DPP10: variants seen among roughly 807,000 people sequenced by gnomAD.
DPP10 encodes the protein inactive dipeptidyl peptidase 10.
A neutral mutation model predicts 120.9 loss-of-function variants in DPP10; 33 were observed. The observed-to-expected ratio is 0.27, with a 90% CI of 0.21 to 0.37. The LOEUF (loss-of-function observed/expected upper bound fraction) is 0.37. Among genes scored for constraint, DPP10 ranks in the 10% least tolerant of loss-of-function variants. The pLI, the probability that DPP10 is intolerant of heterozygous loss-of-function variation, is 1.00. For synonymous variants in DPP10, 337 were observed against 326.1 expected (o/e 1.03, Z -0.36); for missense variants, 816 against 942.8 (o/e 0.87, Z 1.76).
chr2:115,504,339 A>C (rs1401426558), intron 4 of DPP10, among the ~76,000 whole-genome samples: 1 of 145,606 alleles, frequency 6.9e-6, no homozygotes, highest in African/African-American at 2.6e-5. Context: ...ATAAAAACTG[A>C]TGGCTACTGG....
rs115960023 is a variant in DPP10, at chr2:114,825,848, A to T, written c.60+383010A>T. 9.1e-3 allele frequency among the ~76,000 whole-genome samples: 1,391 copies of T among 152,296 alleles called. 16 individuals carry two copies. Among genetic ancestry groups the T allele is most frequent in the African/African-American group, 0.032 (1,330 of 41,548 alleles). On this transcript the variant is annotated intron_variant, in intron 1 of 25. Coordinates refer to ENST00000410059, the MANE Select transcript of DPP10 (RefSeq NM_020868.6). ...TAACAGAGGGCATAATAAAGTAAAA[A>T]CTGTAAGGTTGTGATCAGCTTCTAC...
At chr2:114,621,401 C>A (rs148331353) in intron 1 of DPP10, among the ~76,000 whole-genome samples, 17 of 152,130 alleles carry the variant, frequency 1.1e-4, no homozygotes, top group Non-Finnish European at 1.9e-4. Context: ...TTATTTAATT[C>A]TTTTATCCAC....
intron 7 of DPP10, among the ~76,000 whole-genome samples, chr2:115,699,150 A>G (rs753400881): frequency 2.0e-5 from 3 of 152,052 alleles, no homozygotes; most frequent in Non-Finnish European, 2.9e-5. Context: ...GAACAATTGT[A>G]TACCAATAAA....
chr2:115,332,458 G>T (rs184053493), intron 2 of DPP10, among the ~76,000 whole-genome samples: 19 of 151,784 alleles, frequency 1.3e-4, no homozygotes, highest in South Asian at 2.1e-4. Context: ...ATTTCTTGCC[G>T]TCTGCTAGCT....
At chr2:114,695,142 A>T (rs1168384348) in intron 1 of DPP10, among the ~76,000 whole-genome samples, 2 of 152,032 alleles carry the variant, frequency 1.3e-5, no homozygotes, top group Non-Finnish European at 2.9e-5. Context: ...AGAGTGAATT[A>T]AAGTGGATAG....
intron 19 of DPP10, among the ~76,000 whole-genome samples, chr2:115,804,873 G>C (rs770512248): frequency 1.3e-5 from 2 of 152,194 alleles, no homozygotes; most frequent in African/African-American, 2.4e-5. Flanking sequence ...GGCTACTCGG[G>C]GGTCAGGGAC....
In DPP10 at chr2:115,771,313, A is replaced by G. The variant is rs186662218; in HGVS notation, c.1221+2909A>G. Reference sequence around the variant, plus strand: ...GGTCTCGAACTTCTGACATCAGGTGATCCACCTGCTTCAGCCTCCCAAACT... The same window carrying G: ...GGTCTCGAACTTCTGACATCAGGTGGTCCACCTGCTTCAGCCTCCCAAACT... On this transcript the variant is annotated intron_variant, in intron 13 of 25. Transcript: ENST00000410059. Among the ~76,000 whole-genome samples, 1,036 of 152,136 alleles carry G rather than the reference A, an allele frequency of 6.8e-3. 7 individuals are homozygous for G. Among genetic ancestry groups the G allele is most frequent in the Non-Finnish European group, 9.6e-3 (655 of 67,972 alleles).
At chr2:115,173,818 A>G (rs974744013) in intron 1 of DPP10, among the ~76,000 whole-genome samples, 2 of 152,150 alleles carry the variant, frequency 1.3e-5, no homozygotes, top group Non-Finnish European at 2.9e-5. Context: ...ACAACCGACT[A>G]TGTGATTAAG....
intron 5 of DPP10, among the ~76,000 whole-genome samples, chr2:115,554,850 A>G (rs1169839986): frequency 2.6e-5 from 4 of 152,082 alleles, no homozygotes; most frequent in African/African-American, 7.2e-5. Context: ...TTTATATTGT[A>G]GTCTCTTCCC....
In DPP10 at chr2:115,744,221, G is replaced by C. The variant is rs994190475; in HGVS notation, c.853-1865G>C. Among the ~76,000 whole-genome samples, 2 of 150,154 alleles carry C rather than the reference G, an allele frequency of 1.3e-5. 1 individual carries two copies. The highest frequency in any genetic ancestry group is 2.9e-5 in the Non-Finnish European group (2 of 67,862). On this transcript the variant is annotated intron_variant, in intron 9 of 25. Transcript: ENST00000410059. ...CCAGGAGATGCTGATTGATGCTACG[G>C]TCCAAGAACAACACTTTGAATGGCA...
At chr2:114,824,946 A>T (rs1686402171) in intron 1 of DPP10, among the ~76,000 whole-genome samples, 1 of 152,210 alleles carries the variant, frequency 6.6e-6, no homozygotes, top group Admixed American at 6.5e-5. Context: ...CTGGAGTGGC[A>T]TCCTCTAGCA....
rs568117503 is a variant in DPP10, at chr2:114,931,528, C to T, written c.61-377711C>T. On this transcript the variant is annotated intron_variant, in intron 1 of 25. Transcript: ENST00000410059. ...CAGGCCAAGTCATTCCTGGGGTGTC[C>T]GCCCCAATGACTGAAACACCTCCCA... Among the ~76,000 whole-genome samples the T allele has an allele frequency of 5.3e-5, 8 of 152,204 alleles. No individual in the cohort carries two copies. The East Asian group carries it at 7.7e-4, about 15-fold the overall frequency.
intron 1 of DPP10, among the ~76,000 whole-genome samples, chr2:115,160,815 A>G (rs1461345572): frequency 2.0e-5 from 3 of 151,794 alleles, no homozygotes; most frequent in Non-Finnish European, 2.9e-5. Flanking sequence ...CGGGCTCCCA[A>G]TTCCCACACA....
intron 3 of DPP10, among the ~76,000 whole-genome samples, chr2:115,373,134 ATAG>A (rs1574599177): frequency 6.6e-6 from 1 of 152,214 alleles, no homozygotes; most frequent in Admixed American, 6.5e-5. Context: ...TTAGCTGAAC[ATAG>A]TAGGAAAAGT....
intron 3 of DPP10, among the ~76,000 whole-genome samples, chr2:115,462,587 A>C (rs1051309141): frequency 2.6e-5 from 4 of 152,180 alleles, no homozygotes; most frequent in African/African-American, 9.7e-5. Flanking sequence ...ATATTTAATA[A>C]GTTTATTTAA....
intron 1 of DPP10, among the ~76,000 whole-genome samples, chr2:115,077,750 C>A (rs1435730420): frequency 6.6e-6 from 1 of 152,216 alleles, no homozygotes; most frequent in Non-Finnish European, 1.5e-5. Flanking sequence ...ACAGCCCAAG[C>A]CATCAAGATT....
intron 1 of DPP10, among the ~76,000 whole-genome samples, chr2:114,961,292 G>A (rs2104718085): frequency 6.6e-6 from 1 of 152,140 alleles, no homozygotes; most frequent in South Asian, 2.1e-4. Context: ...GACCTCAGGT[G>A]ATCTGCCCAC....
intron 3 of DPP10, chr2:115,468,251 G>T: frequency 2.0e-6 from 1 of 508,500 alleles, no homozygotes; most frequent in South Asian, 1.4e-5. Flanking sequence ...TCGTGTCATT[G>T]TTGCCATTGA....
intron 21 of DPP10, among the ~76,000 whole-genome samples, chr2:115,822,340 T>C (rs1687896436): frequency 6.6e-6 from 1 of 152,006 alleles, no homozygotes; most frequent in Non-Finnish European, 1.5e-5. Flanking sequence ...TTATATCATA[T>C]CTTAACATCA....
Sources: gnomAD v4.1 joint callset for allele counts (sites outside exome capture counted in the v4.1 genomes callset) on GRCh38, gnomAD v4.1.1 for gene constraint, MANE v1.5 for transcripts, NCBI Gene and HGNC (gene_info 2026-07-23, HGNC 2026-07-21) for gene names.